The following NBEAL1 variants were observed in gnomAD, a reference collection of about 807,000 sequenced individuals.
NBEAL1 encodes neurobeachin-like protein 1.
NBEAL1 carries 273 observed loss-of-function variants against 351.3 expected under a neutral mutation model. The ratio of observed to expected loss-of-function variants is 0.78; its 90% confidence interval spans 0.70 to 0.86. The LOEUF (loss-of-function observed/expected upper bound fraction) is 0.86, where lower values mean the gene tolerates loss of function less well. NBEAL1 is among the 40% of genes least tolerant of loss of function. NBEAL1 has a pLI of 0.00. For missense variants in NBEAL1, 2,961 were observed against 3,201.3 expected, an observed-to-expected ratio of 0.92 and a Z score of 1.81; for synonymous variants, 1,050 against 1,086.4, an observed-to-expected ratio of 0.97 and a Z score of 0.66.
chr2:203,061,689 C>T (rs1293137114), intron 6 of NBEAL1: 21 of 159,352 alleles, frequency 1.3e-4, no homozygotes, highest in Admixed American at 1.3e-3. Flanking sequence ...TCTCGAAGGG[C>T]GTAGGAAGAA....
intron 38 of NBEAL1, among the ~76,000 whole-genome samples, chr2:203,168,750 T>C (rs573043983): frequency 1.2e-4 from 18 of 151,754 alleles, no homozygotes; most frequent in African/African-American, 4.3e-4. Context: ...AGAAATTAGC[T>C]GGGCATGGTG....
At chr2:203,084,615 TTTTG>T in intron 10 of NBEAL1, 46 bp downstream of exon 10, 1 of 1,142,718 alleles carries the variant, frequency 8.8e-7, no homozygotes, top group Non-Finnish European at 1.2e-6. Context: ...AGAAGCTATT[TTTTG>T]TTTTTGTTTT....
chr2:203,035,844 G>C lies in NBEAL1; in HGVS notation c.52-5921G>C, dbSNP rs2061032501. On this transcript the variant is annotated intron_variant, in intron 2 of 55. Coordinates refer to ENST00000683969, the MANE Select transcript of NBEAL1 (RefSeq NM_001378026.1). ...CATTACTGTTTTGTGGGAGTTTCCT[G>C]ATTTGGGCACATAGTAGATTATGAA... Among the ~76,000 whole-genome samples, 4 of 149,358 alleles carry C rather than the reference G, an allele frequency of 2.7e-5. 1 individual carries two copies. In the South Asian group the frequency reaches 8.4e-4, roughly 31 times the overall value.
chr2:203,172,574 G>A (rs969337895), intron 40 of NBEAL1, among the ~76,000 whole-genome samples, 155 bp from the exon 41 acceptor site: 1 of 152,078 alleles, frequency 6.6e-6, no homozygotes, highest in African/African-American at 2.4e-5. Flanking sequence ...AATGCTTCTG[G>A]TTATTGAACT....
At chr2:203,096,776 C>A (rs1310870577) in intron 10 of NBEAL1, among the ~76,000 whole-genome samples, 1 of 152,138 alleles carries the variant, frequency 6.6e-6, no homozygotes, top group East Asian at 1.9e-4. Flanking sequence ...TATCCATTAG[C>A]ATATTTGAGA....
At chr2:203,156,649 G>A (rs566959788) in intron 35 of NBEAL1, among the ~76,000 whole-genome samples, 2 of 152,204 alleles carry the variant, frequency 1.3e-5, no homozygotes, top group Admixed American at 6.5e-5. Flanking sequence ...TGATCAAACA[G>A]ATTTACACAG....
chr2:203,109,017 G>C (rs1273616218), intron 14 of NBEAL1, among the ~76,000 whole-genome samples: 2 of 152,146 alleles, frequency 1.3e-5, no homozygotes, highest in Admixed American at 1.3e-4. Flanking sequence ...ACTTCAACCT[G>C]GGTGACAAAG....
At chr2:203,041,283 G>C (rs1345371118) in intron 2 of NBEAL1, among the ~76,000 whole-genome samples, 1 of 152,278 alleles carries the variant, frequency 6.6e-6, no homozygotes, top group African/African-American at 2.4e-5. Context: ...AGAGTCCTGG[G>C]GCCTTGTTTT....
At chr2:203,076,497 A>T (rs1269632363) in intron 7 of NBEAL1, among the ~76,000 whole-genome samples, 1 of 151,420 alleles carries the variant, frequency 6.6e-6, no homozygotes, top group African/African-American at 2.4e-5. Context: ...AAACAAACAA[A>T]AAAAAAAGTA....
intron 6 of NBEAL1, among the ~76,000 whole-genome samples, chr2:203,063,473 A>G (rs2061532701): frequency 1.3e-5 from 2 of 148,374 alleles, no homozygotes; most frequent in Non-Finnish European, 1.5e-5. Context: ...AGGGAGGGAG[A>G]GAGGAAAGGA....
chr2:203,222,442 C>T lies in NBEAL1; in HGVS notation c.*5088C>T, dbSNP rs1005756426. On this transcript the variant is annotated 3_prime_UTR_variant, in exon 56 of 56. Transcript: ENST00000683969. ...TTATATACCAGATCCAATATTCAGA[C>T]TTATTTGAAAATAGGCTTAATCATT... is the stretch of plus-strand genomic sequence containing the variant. Among the ~76,000 whole-genome samples the T allele has an allele frequency of 1.3e-5, 2 of 152,106 alleles. No homozygotes were observed. The highest frequency in any genetic ancestry group is 2.9e-5 in the Non-Finnish European group (2 of 68,024).
At chr2:203,132,244 G>A in intron 26 of NBEAL1, 112 bp downstream of exon 26, 2 of 695,746 alleles carry the variant, frequency 2.9e-6, no homozygotes, top group Admixed American at 6.6e-5. Context: ...ATTCAGCAGG[G>A]CCTTCCTTGG....
rs2065216851 is a variant in NBEAL1, at chr2:203,195,525, C to T, written c.7038+1614C>T. Among the ~76,000 whole-genome samples, 8 of 152,262 alleles carry T rather than the reference C, an allele frequency of 5.3e-5. No individual in the cohort carries two copies. The South Asian group carries it at 1.7e-3, about 32-fold the overall frequency. Reference sequence around the variant, plus strand: ...ATTCCCAGGATGTGTTGGGAGTCTCCAAGACTACCCCCAGGTTCAGTGATT... The same window carrying T: ...ATTCCCAGGATGTGTTGGGAGTCTCTAAGACTACCCCCAGGTTCAGTGATT... On this transcript the variant is annotated intron_variant, in intron 47 of 55. Coordinates refer to ENST00000683969, the MANE Select transcript of NBEAL1 (RefSeq NM_001378026.1).
chr2:203,068,404 G>C lies in NBEAL1; in HGVS notation c.527G>C (p.Ser176Thr). ...CTTTTTAATGATAGACGAATCCTTA[G>C]TACTGTGGAAAAGAGCAGACAGAAA... Reference protein sequence around the residue: ...WRHRISGRILSTVEKSRQKYK... With the variant: ...WRHRISGRILTTVEKSRQKYK... Residue 176 changes from serine (S) to threonine (T), a missense_variant, in exon 7 of 56, where the codon AGT (serine) becomes ACT (threonine). Physicochemically the swap from Ser to Thr is moderately conservative, Grantham distance 58. Transcript: ENST00000683969. The C allele has an allele frequency of 6.5e-7, 1 of 1,543,544 alleles. No individual in the cohort carries two copies. Among genetic ancestry groups the C allele is most frequent in the Non-Finnish European group, 8.8e-7 (1 of 1,141,126 alleles).
chr2:203,165,152 C>T (rs562974202), intron 36 of NBEAL1, among the ~76,000 whole-genome samples: 39 of 152,180 alleles, frequency 2.6e-4, no homozygotes, highest in African/African-American at 7.0e-4. Flanking sequence ...TGAGCCACCG[C>T]GCCCACCCAG....
rs2065774827 is a variant in NBEAL1 at position 203,211,041 on chromosome 2, T to C, written c.7869T>C (p.Cys2623=). The change falls in exon 54 of 56, where the codon TGT becomes TGC. Residue 2623 remains cysteine (C), a synonymous_variant. Transcript: ENST00000683969. ...TGAAGGAACAAGTATCAGATATATGTATAATCGGAGAACACATTGTCACAG... is the reference window on the plus strand; with the variant it reads ...TGAAGGAACAAGTATCAGATATATGCATAATCGGAGAACACATTGTCACAG... ...QILKEQVSDI[C]IIGEHIVTGS... 2 of 1,607,732 alleles carry C rather than the reference T, an allele frequency of 1.2e-6. No individual in the cohort carries two copies. Among genetic ancestry groups the C allele is most frequent in the Non-Finnish European group, 1.7e-6 (2 of 1,176,096 alleles).
Position 203,180,431 on chromosome 2 carries a change from G to T in NBEAL1, c.6514G>T (p.Ala2172Ser). 6.2e-7 allele frequency: 1 copy of T among 1,611,768 alleles called. No individual in the cohort carries two copies. Among genetic ancestry groups the T allele is most frequent in the Non-Finnish European group, 8.5e-7 (1 of 1,178,478 alleles). Reference sequence around the variant, plus strand: ...CCATTCTATTCCTGCTACCTGGCAAGCTCTTATGGATAATCCATATGATGT... The same window carrying T: ...CCATTCTATTCCTGCTACCTGGCAATCTCTTATGGATAATCCATATGATGT... ...QFHSIPATWQALMDNPYDVKE... is the reference protein window; with the variant it reads ...QFHSIPATWQSLMDNPYDVKE... Residue 2172 changes from alanine (A) to serine (S), a missense_variant, in exon 43 of 56, where the codon GCT becomes TCT. Ala to Ser is a moderately conservative substitution (Grantham distance 99). Coordinates refer to ENST00000683969, the MANE Select transcript of NBEAL1 (RefSeq NM_001378026.1).
intron 55 of NBEAL1, 68 bp downstream of exon 55, chr2:203,213,721 A>T: frequency 1.9e-6 from 3 of 1,594,152 alleles, no homozygotes; most frequent in Non-Finnish European, 1.7e-6. Context: ...CCTTCATTCC[A>T]ACTGATTGAG....
chr2:203,112,342 A>C (rs1274210309), intron 16 of NBEAL1, among the ~76,000 whole-genome samples: 2 of 152,258 alleles, frequency 1.3e-5, no homozygotes, highest in African/African-American at 4.8e-5. Context: ...AGAAAGACTT[A>C]TAACAGGAAA....
Sources: gnomAD v4.1 joint callset for allele counts (sites outside exome capture counted in the v4.1 genomes callset) on GRCh38, gnomAD v4.1.1 for gene constraint, MANE v1.5 for transcripts, NCBI Gene and HGNC (gene_info 2026-07-23, HGNC 2026-07-21) for gene names.